ZNF808: variants seen among roughly 807,000 people sequenced by gnomAD.
ZNF808 encodes zinc finger protein 808.
A neutral mutation model predicts 8.7 loss-of-function variants in ZNF808; 5 were observed. The ratio of observed to expected loss-of-function variants is 0.58; its 90% CI spans 0.30 to 1.21. The LOEUF (loss-of-function observed/expected upper bound fraction) is 1.21, where lower values mean the gene tolerates loss of function less well. Ranked by LOEUF, ZNF808 falls within the 50% of genes most tolerant of loss-of-function variation. The pLI, the probability that ZNF808 is intolerant of heterozygous loss-of-function variation, is 0.07. For synonymous variants in ZNF808, 380 were observed against 366.0 expected, an observed-to-expected ratio of 1.04 and a Z score of -0.44; for missense variants, 1,103 against 1,098.4, an observed-to-expected ratio of 1.00 and a Z score of -0.06.
intron 2 of ZNF808, among the ~76,000 whole-genome samples, chr19:52,541,767 C>A (rs1343132219): frequency 2.0e-5 from 3 of 152,074 alleles, no homozygotes; most frequent in Admixed American, 1.3e-4. Flanking sequence ...ACAGCTTTAA[C>A]CCACTTACAC....
chr19:52,539,577 G>A (rs1243016401), intron 2 of ZNF808, among the ~76,000 whole-genome samples: 3 of 76,262 alleles, frequency 3.9e-5, no homozygotes, highest in Non-Finnish European at 7.1e-5. Context: ...TTTTTTTGAC[G>A]GAGTTTTGGT....
intron 2 of ZNF808, among the ~76,000 whole-genome samples, chr19:52,535,245 T>G (rs642493): frequency 0.33 from 48,565 of 145,512 alleles, 8,505 homozygotes; most frequent in East Asian, 0.51. Flanking sequence ...GCAGGAGAAT[T>G]GCGTGAACCC....
intron 4 of ZNF808, among the ~76,000 whole-genome samples, chr19:52,552,078 C>T (rs2059782612): frequency 6.6e-6 from 1 of 151,228 alleles, no homozygotes; most frequent in Non-Finnish European, 1.5e-5. Flanking sequence ...AGTGCAGTGG[C>T]ATGATCTCAG....
At chr19:52,564,304 G>A (rs2059867161) in exon 4 of ZNF808, 1 of 648,694 alleles carries the variant, frequency 1.5e-6, no homozygotes, top group Non-Finnish European at 2.7e-6. Context: ...AGCTGAAAAT[G>A]TCACTACCAT....
chr19:52,545,261 C>T (rs888680252), intron 3 of ZNF808, among the ~76,000 whole-genome samples: 4 of 152,002 alleles, frequency 2.6e-5, no homozygotes, highest in African/African-American at 9.7e-5. Flanking sequence ...CCTCTGACTC[C>T]CAGATTACAG....
Position 52,554,199 on chromosome 19 carries a change from A to T in ZNF808, c.1283A>T (p.Lys428Ile). ...HILHTGEKPY[K>I]CEECDKVFSQ... ...CTTCATACTGGAGAGAAACCTTACA[A>T]ATGTGAAGAATGTGACAAAGTTTTC... Residue 428 changes from lysine (K) to isoleucine (I), a missense_variant, in exon 5 of 5, where the codon AAA (lysine) becomes ATA (isoleucine). Physicochemically the swap from Lys to Ile is moderately radical, Grantham distance 102. Transcript: ENST00000359798. The T allele has an allele frequency of 6.2e-7, 1 of 1,613,726 alleles. No homozygotes were observed.
exon 4 of ZNF808, chr19:52,564,029 C>T (rs756132958): frequency 0.093 from 50,598 of 542,284 alleles, 4,485 homozygotes; most frequent in African/African-American, 0.35. Context: ...AGCCCCCTCT[C>T]CTCCTTTGTC....
intron 4 of ZNF808, among the ~76,000 whole-genome samples, chr19:52,550,674 A>G (rs2059768165): frequency 6.6e-6 from 1 of 152,076 alleles, no homozygotes; most frequent in South Asian, 2.1e-4. Flanking sequence ...TATGCCTGGC[A>G]CAAGCCTGGC....
At chr19:52,542,127 C>T (rs1245691546) in intron 2 of ZNF808, among the ~76,000 whole-genome samples, 1 of 151,116 alleles carries the variant, frequency 6.6e-6, no homozygotes, top group Non-Finnish European at 1.5e-5. Flanking sequence ...AATTTTCACT[C>T]TTGTGGCCCA....
At chr19:52,542,760 C>T (rs144796749) in intron 2 of ZNF808, among the ~76,000 whole-genome samples, 60 of 151,646 alleles carry the variant, frequency 4.0e-4, no homozygotes, top group African/African-American at 1.3e-3. Context: ...AGCAGGGAGG[C>T]GGCTTTTAGG....
Position 52,553,504 on chromosome 19 carries a change from T to TTC in ZNF808, c.589_590dup (p.Cys198ProfsTer17), listed in dbSNP as rs1418609195. ...CCTCAGTTTCAACATCCCAAAGAAT[T>TTC]TCCTGTAGGCCCCAAATCCATATTT... On this transcript the variant is annotated frameshift_variant, in exon 5 of 5. Coordinates refer to ENST00000359798, the MANE Select transcript of ZNF808 (RefSeq NM_001039886.4). LOFTEE classifies it low-confidence loss of function (END_TRUNC). 1.2e-6 allele frequency: 2 copies of TTC among 1,614,150 alleles called. No homozygotes were observed. Among genetic ancestry groups the TTC allele is most frequent in the Admixed American group, 1.7e-5 (1 of 60,006 alleles).
intron 1 of ZNF808, among the ~76,000 whole-genome samples, chr19:52,531,745 T>A (rs2059563695): frequency 1.1e-5 from 1 of 88,672 alleles, no homozygotes; most frequent in Admixed American, 1.5e-4. Flanking sequence ...ACACATTCTA[T>A]GTTTTATATT....
downstream of ZNF808, among the ~76,000 whole-genome samples, chr19:52,561,202 CTCTCTCTCTCTATATA>C (rs1172565903): frequency 0.012 from 505 of 43,686 alleles, 3 homozygotes; most frequent in Admixed American, 0.041. Flanking sequence ...CTCTCTCTCT[CTCTCTCTCTCTATATA>C]TATATATATA....
At chr19:52,548,611 A>G (rs1285945761) in intron 4 of ZNF808, among the ~76,000 whole-genome samples, 2 of 152,050 alleles carry the variant, frequency 1.3e-5, no homozygotes, top group African/African-American at 2.4e-5. Flanking sequence ...TCTATTACAG[A>G]TGGCAGTTTC....
chr19:52,567,195 C>T (rs1468011716), downstream of ZNF808, among the ~76,000 whole-genome samples: 1 of 151,876 alleles, frequency 6.6e-6, no homozygotes, highest in Non-Finnish European at 1.5e-5. Context: ...CAGGTGATGC[C>T]CCCACGTCGG....
chr19:52,567,483 TTTTTTATTATTATTATTA>T (rs1378669422), downstream of ZNF808, among the ~76,000 whole-genome samples: 969 of 130,838 alleles, frequency 7.4e-3, 11 homozygotes, highest in African/African-American at 0.02. Context: ...TCCAGCTGTA[TTTTTTATTATTATTATTA>T]TTATTATTAT....
chr19:52,561,202 CTCTCTCTCTCTATATATATATATA>C (rs1446830930), downstream of ZNF808, among the ~76,000 whole-genome samples: 4 of 43,792 alleles, frequency 9.1e-5, no homozygotes, highest in Admixed American at 3.1e-4. Context: ...CTCTCTCTCT[CTCTCTCTCTCTATATATATATATA>C]TATATATATA....
At chr19:52,568,620 C>T (rs1042274322), downstream of ZNF808, among the ~76,000 whole-genome samples, 13 of 152,160 alleles carry the variant, frequency 8.5e-5, no homozygotes, top group Admixed American at 5.2e-4. Flanking sequence ...GGGAAAGCTT[C>T]TCTGTATTTC....
At chr19:52,529,967 C>A (rs2059546578) in intron 1 of ZNF808, among the ~76,000 whole-genome samples, 1 of 151,062 alleles carries the variant, frequency 6.6e-6, no homozygotes, top group Non-Finnish European at 1.5e-5. Context: ...GTTCTCAAAA[C>A]CCTGGGGTCA....
Sources: gnomAD v4.1 joint callset for allele counts (sites outside exome capture counted in the v4.1 genomes callset) on GRCh38, gnomAD v4.1.1 for gene constraint, MANE v1.5 for transcripts, NCBI Gene and HGNC (gene_info 2026-07-23, HGNC 2026-07-21) for gene names.